The following ARHGAP11A variants were observed in gnomAD, a reference collection of about 807,000 sequenced individuals.
ARHGAP11A encodes rho GTPase-activating protein 11A.
A neutral mutation model predicts 60.5 loss-of-function variants in ARHGAP11A; 36 were observed. The ratio of observed to expected loss-of-function variants is 0.59; its 90% CI spans 0.46 to 0.79. ARHGAP11A has a LOEUF of 0.79. Among genes scored for constraint, ARHGAP11A ranks in the 30% least tolerant of loss-of-function variants. The pLI, the probability that ARHGAP11A is intolerant of heterozygous loss-of-function variation, is 0.00. For missense variants in ARHGAP11A, 1,071 were observed against 1,199.2 expected, an observed-to-expected ratio of 0.89 and a Z score of 1.58; for synonymous variants, 362 against 415.5, an observed-to-expected ratio of 0.87 and a Z score of 1.57.
In ARHGAP11A at chr15:32,636,464, G is replaced by A; in HGVS notation, c.1691G>A (p.Cys564Tyr). ...GTAGAAAAGTCACCTGCTACTTCATGTGAACTCACCCCTTCCAATTTAAAC... is the reference window on the plus strand; with the variant it reads ...GTAGAAAAGTCACCTGCTACTTCATATGAACTCACCCCTTCCAATTTAAAC... ...IMVEKSPATS[C>Y]ELTPSNLNNK... Residue 564 changes from cysteine to tyrosine, a missense_variant, in exon 12 of 12, where the codon TGT becomes TAT. Transcript: ENST00000361627. The A allele has an allele frequency of 3.7e-6, 6 of 1,613,940 alleles. No homozygotes were observed. The highest frequency in any genetic ancestry group is 5.1e-6 in the Non-Finnish European group (6 of 1,179,932).
At chr15:32,634,103 A>C in intron 10 of ARHGAP11A, 62 bp downstream of exon 10, 1 of 1,125,784 alleles carries the variant, frequency 8.9e-7, no homozygotes, top group Non-Finnish European at 1.3e-6. Context: ...TTGATACTAA[A>C]AAACACTCAT....
At chr15:32,634,502 G>A (rs1319712254) in intron 10 of ARHGAP11A, among the ~76,000 whole-genome samples, 1 of 152,078 alleles carries the variant, frequency 6.6e-6, no homozygotes, top group African/African-American at 2.4e-5. Context: ...TTTCAGATTT[G>A]GAATGCCCAA....
chr15:32,635,730 A>G (rs1218386979), intron 10 of ARHGAP11A, 47 bp from the exon 11 acceptor site: 5 of 1,312,430 alleles, frequency 3.8e-6, no homozygotes, highest in Non-Finnish European at 5.1e-6. Context: ...TATATTTTGA[A>G]TTAACTAGGC....
chr15:32,618,017 A>C (rs1455992301), intron 1 of ARHGAP11A, among the ~76,000 whole-genome samples: 2 of 152,164 alleles, frequency 1.3e-5, no homozygotes, highest in Non-Finnish European at 2.9e-5. Flanking sequence ...TCATCTAATG[A>C]TAGTTGTCAT....
intron 1 of ARHGAP11A, among the ~76,000 whole-genome samples, chr15:32,618,794 A>C (rs1008540505): frequency 9.9e-5 from 14 of 141,156 alleles, no homozygotes; most frequent in Admixed American, 4.4e-4. Flanking sequence ...TACTAAAAAT[A>C]CAAAAAAATT....
Position 32,636,822 on chromosome 15 carries a change from T to C in ARHGAP11A, c.2049T>C (p.Asn683=), listed in dbSNP as rs757085835. ...CACCCCTTCAAACTCAAACATTTAA[T>C]AGAGAAACAACTATAAAATGTTATT... The part of the protein sequence containing the change: ...DFSPLQTQTF[N]RETTIKCYST... Residue 683 remains asparagine, a synonymous_variant, in exon 12 of 12, where the codon AAT becomes AAC. Coordinates refer to ENST00000361627, the MANE Select transcript of ARHGAP11A (RefSeq NM_014783.6). 1.9e-6 allele frequency: 3 copies of C among 1,607,876 alleles called. No individual in the cohort carries two copies. Among genetic ancestry groups the C allele is most frequent in the East Asian group, 4.5e-5 (2 of 44,838 alleles).
chr15:32,637,159 T>C lies in ARHGAP11A; in HGVS notation c.2386T>C (p.Ser796Pro), dbSNP rs1209303628. ...ATTGGAAACATGTGAGAAAACAGTT[T>C]CTGAAAGTTCACAAATGACAGAACA... ...QSLETCEKTV[S>P]ESSQMTEHRK... The change falls in exon 12 of 12, where the codon TCT (serine) becomes CCT (proline). Residue 796 changes from serine (S) to proline (P), a missense_variant. Coordinates refer to ENST00000361627, the MANE Select transcript of ARHGAP11A (RefSeq NM_014783.6). The C allele has an allele frequency of 6.2e-7, 1 of 1,614,158 alleles. No individual in the cohort carries two copies. The highest frequency in any genetic ancestry group is 8.5e-7 in the Non-Finnish European group (1 of 1,180,024).
intron 3 of ARHGAP11A, among the ~76,000 whole-genome samples, chr15:32,623,861 C>T (rs1008363226): frequency 2.6e-5 from 4 of 151,914 alleles, no homozygotes; most frequent in African/African-American, 9.7e-5. Context: ...TTGTTGTTAG[C>T]CTTCTAGAAG....
rs1652279702 is a variant in ARHGAP11A at position 32,637,202 on chromosome 15, A to G, written c.2429A>G (p.His810Arg). ...ACAGAACATAGAAAGGTTTCTGATC[A>G]CATACAGTGGTTTAACAAGCTTTCT... ...QMTEHRKVSD[H>R]IQWFNKLSLN... The change falls in exon 12 of 12, where the codon CAC (histidine) becomes CGC (arginine). Residue 810 changes from histidine to arginine, a missense_variant. Transcript: ENST00000361627. The G allele has an allele frequency of 6.2e-7, 1 of 1,614,090 alleles. No individual in the cohort carries two copies. Among genetic ancestry groups the G allele is most frequent in the African/African-American group, 1.3e-5 (1 of 74,948 alleles).
intron 10 of ARHGAP11A, 32 bp from the exon 11 acceptor site, chr15:32,635,745 T>C (rs1387200039): frequency 6.9e-7 from 1 of 1,453,492 alleles, no homozygotes; most frequent in East Asian, 2.5e-5. Context: ...CTAGGCTTAT[T>C]TCTTAACTAA....
chr15:32,621,761 G>T (rs1230416161), intron 2 of ARHGAP11A, among the ~76,000 whole-genome samples: 1 of 151,562 alleles, frequency 6.6e-6, no homozygotes, highest in Non-Finnish European at 1.5e-5. Flanking sequence ...GGCGGAGCTT[G>T]CAGTGAGCCA....
chr15:32,619,100 G>C (rs996789036), intron 1 of ARHGAP11A, among the ~76,000 whole-genome samples: 1 of 152,144 alleles, frequency 6.6e-6, no homozygotes, highest in Non-Finnish European at 1.5e-5. Context: ...ACTGTGTTGC[G>C]TCATTGACAA....
intron 2 of ARHGAP11A, among the ~76,000 whole-genome samples, chr15:32,621,846 A>AG (rs2053325914): frequency 1.3e-5 from 2 of 152,300 alleles, no homozygotes; most frequent in African/African-American, 4.8e-5. Context: ...AAAAGAAAAA[A>AG]AAAGAATGTA....
chr15:32,631,963 C>T (rs1211347174), intron 8 of ARHGAP11A, among the ~76,000 whole-genome samples: 2 of 152,196 alleles, frequency 1.3e-5, no homozygotes, highest in South Asian at 2.1e-4. Context: ...ACGTGAGTCA[C>T]GGTGCCTGGC....
In ARHGAP11A at chr15:32,637,201, C is replaced by A; in HGVS notation, c.2428C>A (p.His810Asn). 6.2e-7 allele frequency: 1 copy of A among 1,614,150 alleles called. No homozygotes were observed. The highest frequency in any genetic ancestry group is 8.5e-7 in the Non-Finnish European group (1 of 1,180,016). The change falls in exon 12 of 12, where the codon CAC (histidine) becomes AAC (asparagine). Residue 810 changes from histidine to asparagine, a missense_variant. Coordinates refer to ENST00000361627, the MANE Select transcript of ARHGAP11A (RefSeq NM_014783.6). The part of the protein sequence containing the change: ...QMTEHRKVSD[H>N]IQWFNKLSLN... ...GACAGAACATAGAAAGGTTTCTGAT[C>A]ACATACAGTGGTTTAACAAGCTTTC...
chr15:32,627,957 A>C (rs561734885), intron 6 of ARHGAP11A, among the ~76,000 whole-genome samples: 32 of 151,758 alleles, frequency 2.1e-4, no homozygotes, highest in African/African-American at 7.2e-4. Context: ...TTACAGGTGC[A>C]CGCTACCACG....
In ARHGAP11A at chr15:32,625,598, G is replaced by T; in HGVS notation, c.827G>T (p.Gly276Val). The T allele has an allele frequency of 6.2e-7, 1 of 1,613,926 alleles. No individual in the cohort carries two copies. The highest frequency in any genetic ancestry group is 8.5e-7 in the Non-Finnish European group (1 of 1,179,836). The change falls in exon 6 of 12, where the codon GGT (glycine) becomes GTT (valine). Residue 276 changes from glycine to valine, a missense_variant. Physicochemically the swap from Gly to Val is moderately radical, Grantham distance 109 (BLOSUM62 -3). Around this residue, in one of 4 missense-constraint regions of ARHGAP11A, gnomAD observed 196 missense variants for 272.1 expected, o/e 0.72. Transcript: ENST00000361627. The stretch of plus-strand genomic sequence containing the variant: ...GAAGAAGGTGAATATGAAACTCCTG[G>T]TGAATATAAGAGAAAGAGAAGACAA... ...GFEEGEYETP[G>V]EYKRKRRQSV...
Position 32,636,795 on chromosome 15 carries a change from T to G in ARHGAP11A, c.2022T>G (p.Phe674Leu). ...KGEKCFSERD[F>L]SPLQTQTFNR... ...AAAAATGTTTTTCAGAGAGGGACTT[T>G]TCACCCCTTCAAACTCAAACATTTA... Residue 674 changes from phenylalanine to leucine, a missense_variant, in exon 12 of 12, where the codon TTT (phenylalanine) becomes TTG (leucine). By Grantham distance (22) the Phe-to-Leu change is conservative. Coordinates refer to ENST00000361627, the MANE Select transcript of ARHGAP11A (RefSeq NM_014783.6). 2 of 1,610,690 alleles carry G rather than the reference T, an allele frequency of 1.2e-6. No homozygotes were observed. Among genetic ancestry groups the G allele is most frequent in the Non-Finnish European group, 1.7e-6 (2 of 1,179,304 alleles).
chr15:32,621,113 T>C (rs2053285255), intron 2 of ARHGAP11A, among the ~76,000 whole-genome samples: 1 of 74,010 alleles, frequency 1.4e-5, no homozygotes, highest in Non-Finnish European at 2.8e-5. Context: ...AGCTAAGATA[T>C]TAGAGTGTTT....
Sources: gnomAD v4.1 joint callset for allele counts (sites outside exome capture counted in the v4.1 genomes callset) on GRCh38, gnomAD v4.1.1 for gene constraint, gnomAD v4.1.1 regional missense constraint, MANE v1.5 for transcripts, NCBI Gene and HGNC (gene_info 2026-07-23, HGNC 2026-07-21) for gene names.